EPHA5: variants seen among roughly 807,000 people sequenced by gnomAD.
EPHA5 encodes the protein ephrin type-A receptor 5.
In EPHA5, 60 loss-of-function variants were observed where a neutral mutation model predicts 105.0. That is an observed-to-expected ratio of 0.57 (90% confidence interval 0.46 to 0.71). EPHA5 has a LOEUF of 0.71. Ranked by LOEUF, EPHA5 falls within the 30% of genes least tolerant of loss-of-function variation. The pLI is 0.00. For missense variants in EPHA5, 1,218 were observed against 1,274.7 expected, an observed-to-expected ratio of 0.96 and a Z score of 0.68; for synonymous variants, 513 against 449.1, an observed-to-expected ratio of 1.14 and a Z score of -1.80.
At position 65,335,944 on chromosome 4, in the gene EPHA5, T is replaced by A. The variant is rs2148812462; in HGVS notation, c.2777A>T (p.Asn926Ile). ...RNPSSLKTLV[N>I]ASCRVSNLLA... ...TCTGGCCTTGTACCTGCAGGATGCA[T>A]TAACCAGCGTCTTCAGACTACTTGG... Residue 926 changes from asparagine (N) to isoleucine (I), a missense_variant, in exon 15 of 17, where the codon AAT becomes ATT. By Grantham distance (149) the Asn-to-Ile change is moderately radical (BLOSUM62 -3). Around this residue, in one of 3 missense-constraint regions of EPHA5, gnomAD observed 971 missense variants for 1,013.5 expected, o/e 0.96. Coordinates refer to ENST00000613740, the MANE Select transcript of EPHA5 (RefSeq NM_001281766.3). 1 of 1,610,820 alleles carries A rather than the reference T, an allele frequency of 6.2e-7. No individual in the cohort carries two copies. Among genetic ancestry groups the A allele is most frequent in the East Asian group, 2.2e-5 (1 of 44,726 alleles).
rs772681677 is a variant in EPHA5 at position 65,461,975 on chromosome 4, G to A, written c.1402+28402C>T. On this transcript the variant is annotated intron_variant, in intron 5 of 16. Transcript: ENST00000613740. ...TGCAGTTAACCAAGCAGAACATGCCGTCTACTGGAGAAATCAAGCATATGC... is the reference window on the plus strand; with the variant it reads ...TGCAGTTAACCAAGCAGAACATGCCATCTACTGGAGAAATCAAGCATATGC... Among the ~76,000 whole-genome samples the A allele has an allele frequency of 8.5e-5, 13 of 152,066 alleles. No homozygotes were observed. The East Asian group carries it at 1.2e-3, about 14-fold the overall frequency.
chr4:65,587,608 T>C (rs1435383194), intron 3 of EPHA5, among the ~76,000 whole-genome samples: 3 of 152,078 alleles, frequency 2.0e-5, no homozygotes, highest in Admixed American at 6.6e-5. Context: ...GATATTCCCA[T>C]AGGAAATATG....
intron 2 of EPHA5, among the ~76,000 whole-genome samples, chr4:65,614,835 G>A (rs1273578794): frequency 1.3e-5 from 2 of 151,618 alleles, no homozygotes; most frequent in Non-Finnish European, 3.0e-5. Flanking sequence ...ATCTTTACAT[G>A]ATTCTAAAGA....
chr4:65,378,498 T>C (rs1719225347), intron 8 of EPHA5, among the ~76,000 whole-genome samples: 1 of 151,968 alleles, frequency 6.6e-6, no homozygotes, highest in African/African-American at 2.4e-5. Flanking sequence ...CTACCACTTC[T>C]GCCTCGTTGC....
At chr4:65,536,448 C>G (rs1196239152) in intron 3 of EPHA5, among the ~76,000 whole-genome samples, 9 of 151,726 alleles carry the variant, frequency 5.9e-5, no homozygotes, top group Non-Finnish European at 1.0e-4. Context: ...ATAAGTGAAA[C>G]CATATATATT....
At chr4:65,604,768 T>C (rs1412166624) in intron 2 of EPHA5, among the ~76,000 whole-genome samples, 1 of 151,540 alleles carries the variant, frequency 6.6e-6, no homozygotes, top group East Asian at 1.9e-4. Flanking sequence ...AAAGTAACAC[T>C]CACCAAGAAC....
rs1012582884 is a variant in EPHA5 at position 65,595,741 on chromosome 4, G to A, written c.910+5900C>T. Among the ~76,000 whole-genome samples the A allele has an allele frequency of 2.4e-4, 37 of 151,744 alleles. 1 individual carries two copies. The highest frequency in any genetic ancestry group is 8.2e-4 in the African/African-American group (34 of 41,364). On this transcript the variant is annotated intron_variant, in intron 3 of 16. Coordinates refer to ENST00000613740, the MANE Select transcript of EPHA5 (RefSeq NM_001281766.3). ...GATTACAGGCTCCCGCCACCACGCC[G>A]GGCTAATTTTTTGTATATTTACTAG...
chr4:65,422,039 A>C (rs906972053), intron 5 of EPHA5, among the ~76,000 whole-genome samples: 3 of 152,184 alleles, frequency 2.0e-5, no homozygotes, highest in African/African-American at 7.2e-5. Context: ...AAGGTGGAAT[A>C]CTTTGTTATT....
At chr4:65,382,408 G>A (rs537521684) in intron 8 of EPHA5, among the ~76,000 whole-genome samples, 1 of 151,470 alleles carries the variant, frequency 6.6e-6, no homozygotes, top group South Asian at 2.1e-4. Context: ...ACAGGTAAAG[G>A]AATTGATTCA....
At chr4:65,433,905 G>T (rs1433787552) in intron 5 of EPHA5, among the ~76,000 whole-genome samples, 1 of 152,004 alleles carries the variant, frequency 6.6e-6, no homozygotes, top group Non-Finnish European at 1.5e-5. Flanking sequence ...TTAGCAAGGC[G>T]TCGTGGCAGG....
intron 5 of EPHA5, among the ~76,000 whole-genome samples, chr4:65,466,102 G>A (rs1240742381): frequency 2.0e-5 from 3 of 152,250 alleles, no homozygotes; most frequent in Non-Finnish European, 2.9e-5. Flanking sequence ...GGGTGAGAGA[G>A]GTTGTATGTG....
intron 3 of EPHA5, among the ~76,000 whole-genome samples, chr4:65,510,301 T>G (rs1280933491): frequency 1.3e-5 from 2 of 151,746 alleles, no homozygotes; most frequent in African/African-American, 2.4e-5. Flanking sequence ...CACCTCGGCC[T>G]CCCAAAGTGC....
chr4:65,353,503 T>TACAC (rs66462845), intron 11 of EPHA5, among the ~76,000 whole-genome samples: 1,792 of 146,352 alleles, frequency 0.012, 41 homozygotes, highest in African/African-American at 0.043. Flanking sequence ...ATTTAAGATT[T>TACAC]ACACACACAC....
At chr4:65,619,942 T>A (rs986189468) in intron 2 of EPHA5, among the ~76,000 whole-genome samples, 9 of 151,070 alleles carry the variant, frequency 6.0e-5, no homozygotes, top group Admixed American at 5.9e-4. Context: ...TATTATAAAG[T>A]TTCTCCTTTT....
intron 3 of EPHA5, among the ~76,000 whole-genome samples, chr4:65,540,757 A>AT (rs373390633): frequency 0.026 from 3,860 of 146,540 alleles, 76 homozygotes; most frequent in Non-Finnish European, 0.035. Context: ...TTATTTCCTG[A>AT]TTTTTTTTTT....
intron 8 of EPHA5, among the ~76,000 whole-genome samples, chr4:65,386,476 G>T (rs1158244201): frequency 6.6e-6 from 1 of 151,756 alleles, no homozygotes; most frequent in African/African-American, 2.4e-5. Flanking sequence ...CCCTTACTTT[G>T]AATTTTATGA....
intron 6 of EPHA5, among the ~76,000 whole-genome samples, chr4:65,414,803 G>A (rs1044475950): frequency 6.6e-6 from 1 of 151,828 alleles, no homozygotes; most frequent in Non-Finnish European, 1.5e-5. Flanking sequence ...ATAGTTAATC[G>A]GAGCATGTCT....
intron 3 of EPHA5, among the ~76,000 whole-genome samples, chr4:65,541,335 T>A (rs763419931): frequency 6.6e-6 from 1 of 151,782 alleles, no homozygotes; most frequent in Admixed American, 6.6e-5. Context: ...GACTCTTCAG[T>A]GTGCAGTATT....
At chr4:65,433,599 A>G (rs1440796264) in intron 5 of EPHA5, among the ~76,000 whole-genome samples, 1 of 152,212 alleles carries the variant, frequency 6.6e-6, no homozygotes, top group East Asian at 1.9e-4. Context: ...AGTGGTATAA[A>G]ACAACACAGA....
Sources: gnomAD v4.1 joint callset for allele counts (sites outside exome capture counted in the v4.1 genomes callset) on GRCh38, gnomAD v4.1.1 for gene constraint, gnomAD v4.1.1 regional missense constraint, MANE v1.5 for transcripts, NCBI Gene and HGNC (gene_info 2026-07-23, HGNC 2026-07-21) for gene names.